Variants in SCN2A observed in about 807,000 individuals in gnomAD.
SCN2A encodes the protein sodium channel protein type 2 subunit alpha.
SCN2A carries 20 observed loss-of-function variants against 188.7 expected under a neutral mutation model. The ratio of observed to expected loss-of-function variants is 0.11; its 90% CI spans 0.07 to 0.15. The LOEUF (loss-of-function observed/expected upper bound fraction) is 0.15. Among genes scored for constraint, SCN2A ranks in the 10% least tolerant of loss-of-function variants. The pLI is 1.00. For missense variants in SCN2A, 1,278 were observed against 2,445.0 expected (o/e 0.52, Z 10.07); for synonymous variants, 804 against 833.1 (o/e 0.97, Z 0.60).
intron 3 of SCN2A, among the ~76,000 whole-genome samples, chr2:165,306,680 A>T (rs1465683): frequency 0.56 from 84,004 of 151,030 alleles, 23,851 homozygotes; most frequent in Middle Eastern, 0.64. Flanking sequence ...AAAAAATAAT[A>T]ATTATTATTA....
At chr2:165,292,065 C>T (rs1160065007) in intron 1 of SCN2A, among the ~76,000 whole-genome samples, 1 of 152,124 alleles carries the variant, frequency 6.6e-6, no homozygotes, top group African/African-American at 2.4e-5. Flanking sequence ...GGAAACTTAT[C>T]ACTATGAAAG....
Position 165,354,195 on chromosome 2 carries a change from C to T in SCN2A, c.2923C>T (p.Leu975=), listed in dbSNP as rs375858093. Reference sequence around the variant, plus strand: ...TGTTTTTCCTGCTGTGTTTCAGGTTCTGAACCTCTTCTTGGCCTTGCTTTT... The same window carrying T: ...TGTTTTTCCTGCTGTGTTTCAGGTTTTGAACCTCTTCTTGGCCTTGCTTTT... The part of the protein sequence containing the change: ...MVMVIGNLVV[L]NLFLALLLSS... The change falls in exon 17 of 27, where the codon CTG becomes TTG. Residue 975 remains leucine (L), a synonymous_variant. Transcript: ENST00000375437. 2.9e-4 allele frequency: 468 copies of T among 1,613,572 alleles called. No homozygotes were observed. The highest frequency in any genetic ancestry group is 3.6e-4 in the Non-Finnish European group (430 of 1,180,010).
At chr2:165,275,662 T>C (rs1367654408) in intron 1 of SCN2A, among the ~76,000 whole-genome samples, 3 of 152,190 alleles carry the variant, frequency 2.0e-5, no homozygotes, top group Non-Finnish European at 2.9e-5. Flanking sequence ...CAGTGCTATA[T>C]GTAAGAGCTT....
At chr2:165,323,623 C>T (rs777863086) in intron 12 of SCN2A, 123 bp downstream of exon 12, 6 of 903,684 alleles carry the variant, frequency 6.6e-6, no homozygotes, top group Non-Finnish European at 1.0e-5. Flanking sequence ...GGAGTTTGTT[C>T]AATCAAGCTG....
Position 165,296,080 on chromosome 2 carries a change from T to C in SCN2A, c.257T>C (p.Ile86Thr). ...CTGGAGGATCTGGACCCCTACTATA[T>C]CAATAAGAAAGTGAGTTCTTAGTCA... ...VPLEDLDPYY[I>T]NKKTFIVLNK... The change falls in exon 2 of 27, where the codon ATC becomes ACC. Residue 86 changes from isoleucine (I) to threonine (T), a missense_variant. Ile to Thr is a moderately conservative substitution (Grantham distance 89). Coordinates refer to ENST00000375437, the MANE Select transcript of SCN2A (RefSeq NM_001040142.2). The C allele has an allele frequency of 6.2e-7, 1 of 1,613,310 alleles. No individual in the cohort carries two copies. The highest frequency in any genetic ancestry group is 8.5e-7 in the Non-Finnish European group (1 of 1,179,958).
chr2:165,266,213 T>G (rs1401831412), intron 1 of SCN2A, among the ~76,000 whole-genome samples: 3 of 152,100 alleles, frequency 2.0e-5, no homozygotes, highest in African/African-American at 7.2e-5. Context: ...CAACTAATTT[T>G]TTCTTTCATG....
intron 14 of SCN2A, among the ~76,000 whole-genome samples, chr2:165,333,994 G>A (rs185543611): frequency 1.1e-4 from 16 of 148,580 alleles, no homozygotes; most frequent in South Asian, 2.2e-4. Context: ...AAAATTAAAC[G>A]CCAGCAAACT....
Position 165,312,013 on chromosome 2 carries a change from C to A in SCN2A, c.971-12C>A. ...TTTTAATGATTCTTTCTATTCCTTTCTCTTTAAATAGGTCACTTTTATTTT... is the reference window on the plus strand; with the variant it reads ...TTTTAATGATTCTTTCTATTCCTTTATCTTTAAATAGGTCACTTTTATTTT... On this transcript the variant is annotated splice_polypyrimidine_tract_variant and intron_variant, in intron 7 of 26. Transcript: ENST00000375437. 6.2e-7 allele frequency: 1 copy of A among 1,600,402 alleles called. No individual in the cohort carries two copies. The highest frequency in any genetic ancestry group is 1.1e-5 in the South Asian group (1 of 90,700).
At chr2:165,325,198 T>A (rs897394217) in intron 12 of SCN2A, among the ~76,000 whole-genome samples, 1 of 152,210 alleles carries the variant, frequency 6.6e-6, no homozygotes, top group African/African-American at 2.4e-5. Context: ...TTATTTAGCA[T>A]TTATCAATAA....
chr2:165,326,413 T>TA (rs2105283411), intron 12 of SCN2A, among the ~76,000 whole-genome samples: 1 of 152,330 alleles, frequency 6.6e-6, no homozygotes, highest in Admixed American at 6.5e-5. Flanking sequence ...GGGGAACTGT[T>TA]ACTGATGCAT....
chr2:165,342,259 G>A, intron 14 of SCN2A, 37 bp from the exon 15 acceptor site: 1 of 1,555,388 alleles, frequency 6.4e-7, no homozygotes, highest in Non-Finnish European at 8.9e-7. Context: ...TGTTTCAAGA[G>A]TATTTGCTCA....
intron 16 of SCN2A, among the ~76,000 whole-genome samples, chr2:165,348,131 G>A (rs1279765582): frequency 6.6e-6 from 1 of 152,092 alleles, no homozygotes; most frequent in African/African-American, 2.4e-5. Flanking sequence ...GACTGAAGTG[G>A]GCGTTTCACT....
rs765041838 is a variant in SCN2A, at chr2:165,386,850, C to G, written c.4656C>G (p.Thr1552=). The G allele has an allele frequency of 1.4e-5, 22 of 1,613,832 alleles. No homozygotes were observed. Among genetic ancestry groups the G allele is most frequent in the South Asian group, 3.3e-5 (3 of 91,074 alleles). The change falls in exon 26 of 27, where the codon ACC becomes ACG. Residue 1552 remains threonine (T), a synonymous_variant. Transcript: ENST00000375437. ...ACATGGTCACCATGATGGTGGAAAC[C>G]GATGACCAGAGTCAAGAAATGACAA... ...CLNMVTMMVE[T]DDQSQEMTNI...
At chr2:165,305,941 G>C (rs1328177841) in intron 3 of SCN2A, among the ~76,000 whole-genome samples, 1 of 152,092 alleles carries the variant, frequency 6.6e-6, no homozygotes, top group African/African-American at 2.4e-5. Flanking sequence ...CTGGGAAAAA[G>C]CCAGTAAGGT....
chr2:165,268,493 G>A (rs1694972148), intron 1 of SCN2A: 1 of 151,732 alleles, frequency 6.6e-6, no homozygotes. Context: ...ATCCCTTTAT[G>A]GTAAAAAATC....
intron 7 of SCN2A, among the ~76,000 whole-genome samples, chr2:165,311,470 T>C (rs1559354108): frequency 2.0e-5 from 3 of 152,104 alleles, no homozygotes. Flanking sequence ...TTTCTTCATT[T>C]GAAAGGCAGA....
intron 5 of SCN2A, chr2:165,309,083 T>C (rs1697291803): frequency 1.4e-6 from 2 of 1,454,704 alleles, no homozygotes; most frequent in Middle Eastern, 2.1e-4. Flanking sequence ...GCGACACTCA[T>C]GAAATTAAAA....
rs1323120935 is a variant in SCN2A, at chr2:165,342,389, G to A, written c.2482G>A (p.Gly828Ser). 1.2e-6 allele frequency: 2 copies of A among 1,613,774 alleles called. No homozygotes were observed. The highest frequency in any genetic ancestry group is 2.7e-5 in the African/African-American group (2 of 74,898). ...YFQEGWNIFD[G>S]FIVSLSLMEL... is the part of the protein sequence containing the mutation. The stretch of plus-strand genomic sequence containing the variant: ...TCAAGAAGGCTGGAATATTTTTGAT[G>A]GTTTTATTGTGAGCCTTAGTTTAAT... The change falls in exon 15 of 27, where the codon GGT becomes AGT. Residue 828 changes from glycine (G) to serine (S), a missense_variant. Around this residue, in one of 17 missense-constraint regions of SCN2A, gnomAD observed 83 missense variants for 256.8 expected, o/e 0.32. Transcript: ENST00000375437.
At chr2:165,243,031 A>G (rs1217436558) in intron 1 of SCN2A, among the ~76,000 whole-genome samples, 2 of 152,238 alleles carry the variant, frequency 1.3e-5, no homozygotes, top group South Asian at 2.1e-4. Flanking sequence ...CCTGCAGAAT[A>G]TATTTTAGTC....
Sources: allele counts gnomAD v4.1 joint callset (sites outside exome capture counted in the v4.1 genomes callset), GRCh38; gene constraint gnomAD v4.1.1; regional missense constraint gnomAD v4.1.1; transcripts MANE v1.5; gene names NCBI Gene and HGNC (gene_info 2026-07-23, HGNC 2026-07-21).